Variants in APOL2 observed in about 807,000 individuals in gnomAD.
APOL2 encodes apolipoprotein L, 2.
Under a neutral mutation model 7.1 loss-of-function variants are expected in APOL2, and 8 were observed. The observed-to-expected ratio is 1.12, with a 90% CI of 0.66 to 2.03. APOL2 has a LOEUF of 2.03. APOL2 is among the 30% of genes most tolerant of loss of function. The probability of loss-of-function intolerance (pLI) is 0.00; values close to 1 mark genes in which losing one functional copy is unlikely to be tolerated. For synonymous variants in APOL2, 177 were observed against 159.9 expected (o/e 1.11, Z -0.81); for missense variants, 471 against 415.1 (o/e 1.13, Z -1.17).
chr22:36,227,564 A>T lies in APOL2; in HGVS notation c.854T>A (p.Leu285Gln), dbSNP rs1171253308. The change falls in exon 5 of 5, where the codon CTG becomes CAG. Residue 285 changes from leucine (L) to glutamine (Q), a missense_variant. Leu to Gln is a moderately radical substitution (Grantham distance 113). Coordinates refer to ENST00000358502, the MANE Select transcript of APOL2 (RefSeq NM_030882.4). ...ATATGCAAGGCTGACCACATCCAGC[A>T]GAAGCAAGATGCCTCCAGTGGCTGC... Reference protein sequence around the residue: ...VGAATGGILLLLDVVSLAYES... With the variant: ...VGAATGGILLQLDVVSLAYES... 1 of 1,614,264 alleles carries T rather than the reference A, an allele frequency of 6.2e-7. No individual in the cohort carries two copies. The highest frequency in any genetic ancestry group is 2.2e-5 in the East Asian group (1 of 44,888).
At position 36,228,261 on chromosome 22, in the gene APOL2, G is replaced by A. The variant is rs199839971; in HGVS notation, c.157C>T (p.Arg53Cys). The A allele has an allele frequency of 3.0e-5, 48 of 1,613,872 alleles. 1 individual carries two copies. The highest frequency in any genetic ancestry group is 7.7e-5 in the South Asian group (7 of 91,038). ...CTTGCAAGCTTGTTCAGAGCTTTAC[G>A]GAGCTCATCTGCCTCATCCCTGCAC... ...ELPRDEADEL[R>C]KALNKLASHM... Residue 53 changes from arginine to cysteine, a missense_variant, in exon 5 of 5, where the codon CGT (arginine) becomes TGT (cysteine). By Grantham distance (180) the Arg-to-Cys change is radical. Coordinates refer to ENST00000358502, the MANE Select transcript of APOL2 (RefSeq NM_030882.4).
At chr22:36,237,157 T>C in intron 1 of APOL2, 1 of 1,518,198 alleles carries the variant, frequency 6.6e-7, no homozygotes, top group Non-Finnish European at 8.8e-7. Flanking sequence ...TGCTGGGGGT[T>C]GAGGCTGGAT....
intron 1 of APOL2, chr22:36,239,230 C>T: frequency 1.5e-6 from 2 of 1,347,518 alleles, no homozygotes; most frequent in Non-Finnish European, 1.9e-6. Flanking sequence ...TTTTCCCCAC[C>T]TCTCTCTACA....
At chr22:36,229,342 C>G (rs2015138723) in intron 4 of APOL2, among the ~76,000 whole-genome samples, 1 of 152,144 alleles carries the variant, frequency 6.6e-6, no homozygotes, top group Non-Finnish European at 1.5e-5. Flanking sequence ...ATATTTGGAG[C>G]TGGGCTCAGT....
chr22:36,231,768 G>A (rs767462821), intron 3 of APOL2, among the ~76,000 whole-genome samples: 1 of 152,312 alleles, frequency 6.6e-6, no homozygotes, highest in South Asian at 2.1e-4. Flanking sequence ...AAGAGAAAGA[G>A]AAACAATAAG....
rs768242070 is a variant in APOL2, at chr22:36,231,483, AAG to A, written c.11-19_11-18del. On this transcript the variant is annotated intron_variant, in intron 3 of 4. Coordinates refer to ENST00000358502, the MANE Select transcript of APOL2 (RefSeq NM_030882.4). ...TACTGCTCTCTAGTTGGAAAGAAGA[AAG>A]GATAAGGTTGGAGGATAGTGTAGGG... The A allele has an allele frequency of 6.3e-7, 1 of 1,599,526 alleles. No individual in the cohort carries two copies.
In APOL2 at chr22:36,234,754, A is replaced by T. The variant is rs1223138766; in HGVS notation, c.-133-1299T>A. Among the ~76,000 whole-genome samples, 3 of 152,172 alleles carry T rather than the reference A, an allele frequency of 2.0e-5. No individual in the cohort carries two copies. In the East Asian group the frequency reaches 5.8e-4, roughly 29 times the overall value. On this transcript the variant is annotated intron_variant, in intron 1 of 4. Transcript: ENST00000358502. ...ATTTTGCACCACTAATTGCTCTAAG[A>T]TGTTATAAATAGTAACTCACAGAAC...
chr22:36,239,233 T>G lies in APOL2; in HGVS notation c.-134+208A>C, dbSNP rs1024284273. The G allele has an allele frequency of 1.8e-5, 25 of 1,356,348 alleles. No individual in the cohort carries two copies. The African/African-American group carries it at 3.7e-4, about 20-fold the overall frequency. The allele number at this position is 1,356,348 out of a possible 1,614,324, so 84.0% of individuals were successfully genotyped here. A position where few individuals can be genotyped will look rare whatever the true frequency, so the allele number is the denominator to read the frequency against. ...CCATCTAAGCTGTTTTCCCCACCTC[T>G]CTCTACAGTTTACCCGCCCAGCAGG... On this transcript the variant is annotated intron_variant, in intron 1 of 4. Coordinates refer to ENST00000358502, the MANE Select transcript of APOL2 (RefSeq NM_030882.4).
At chr22:36,239,837 G>A (rs535920843), upstream of APOL2, 29 of 328,984 alleles carry the variant, frequency 8.8e-5, no homozygotes, top group Admixed American at 3.2e-4. Flanking sequence ...CATCTGAGCC[G>A]CTTGCCCCCC....
intron 4 of APOL2, among the ~76,000 whole-genome samples, chr22:36,228,572 G>A (rs1312757673): frequency 1.3e-5 from 2 of 152,194 alleles, no homozygotes; most frequent in Non-Finnish European, 2.9e-5. Context: ...TCAACACCGT[G>A]ACTGCCAAAG....
intron 4 of APOL2, 130 bp from the exon 5 acceptor site, chr22:36,228,410 T>G: frequency 3.2e-6 from 4 of 1,250,262 alleles, no homozygotes; most frequent in Non-Finnish European, 4.4e-6. Flanking sequence ...ATTTTACAAA[T>G]GGAATTAATT....
intron 1 of APOL2, among the ~76,000 whole-genome samples, chr22:36,238,491 G>T (rs1395909645): frequency 6.6e-6 from 1 of 152,128 alleles, no homozygotes; most frequent in African/African-American, 2.4e-5. Flanking sequence ...AGCTCTTGGA[G>T]GGCAGAGGGG....
chr22:36,239,192 G>T (rs761149977), intron 1 of APOL2: 20 of 1,269,754 alleles, frequency 1.6e-5, no homozygotes, highest in Non-Finnish European at 1.8e-5. Context: ...AGCTGAGCCC[G>T]GGGAGCTTTG....
rs773118996 is a variant in APOL2, at chr22:36,227,589, C to T, written c.829G>A (p.Ala277Thr). The T allele has an allele frequency of 1.4e-5, 22 of 1,614,116 alleles. No homozygotes were observed. The highest frequency in any genetic ancestry group is 2.5e-6 in the Non-Finnish European group (3 of 1,180,048). ...AMSRGTMIVG[A>T]ATGGILLLLD... ...AGAAGCAAGATGCCTCCAGTGGCTG[C>T]ACCCACGATCATGGTTCCTCTGCTC... The change falls in exon 5 of 5, where the codon GCA (alanine) becomes ACA (threonine). Residue 277 changes from alanine (A) to threonine (T), a missense_variant. Coordinates refer to ENST00000358502, the MANE Select transcript of APOL2 (RefSeq NM_030882.4).
At chr22:36,237,852 C>T (rs1027639537) in intron 1 of APOL2, among the ~76,000 whole-genome samples, 3 of 152,146 alleles carry the variant, frequency 2.0e-5, no homozygotes, top group African/African-American at 4.8e-5. Flanking sequence ...CCCACTGACG[C>T]CCTGCTTCGG....
At chr22:36,237,318 G>T (rs2015441138) in intron 1 of APOL2, 6 of 1,342,556 alleles carry the variant, frequency 4.5e-6, no homozygotes, top group South Asian at 2.3e-5. Context: ...AGAGGACAGG[G>T]ACTCTCAGCA....
chr22:36,237,052 G>C, intron 1 of APOL2: 6 of 1,485,686 alleles, frequency 4.0e-6, no homozygotes, highest in Non-Finnish European at 5.4e-6. Flanking sequence ...CAGAGCTGGG[G>C]CCTCGGACCT....
At position 36,227,671 on chromosome 22, in the gene APOL2, G is replaced by A; in HGVS notation, c.747C>T (p.Ile249=). 6.2e-7 allele frequency: 1 copy of A among 1,614,238 alleles called. No homozygotes were observed. The highest frequency in any genetic ancestry group is 8.5e-7 in the Non-Finnish European group (1 of 1,180,040). ...CAACCTGTTCACCGCCTTCAGCTGA[G>A]ATTCGCCCAATGACATGCGGGGGTG... The part of the protein sequence containing the change: ...YAPPPHVIGR[I]SAEGGEQVER... The change falls in exon 5 of 5, where the codon ATC becomes ATT. Residue 249 remains isoleucine, a synonymous_variant. Coordinates refer to ENST00000358502, the MANE Select transcript of APOL2 (RefSeq NM_030882.4).
chr22:36,236,051 A>T (rs1324620960), intron 1 of APOL2, among the ~76,000 whole-genome samples: 1 of 152,094 alleles, frequency 6.6e-6, no homozygotes, highest in Non-Finnish European at 1.5e-5. Flanking sequence ...ACAAGGGAGG[A>T]AAAAAAACAA....
Sources: gnomAD v4.1 joint callset for allele counts (sites outside exome capture counted in the v4.1 genomes callset) on GRCh38, gnomAD v4.1.1 for gene constraint, MANE v1.5 for transcripts, NCBI Gene and HGNC (gene_info 2026-07-23, HGNC 2026-07-21) for gene names.